Variants in PTPRK observed in about 807,000 individuals in gnomAD.
PTPRK encodes the protein protein tyrosine phosphatase receptor type K.
PTPRK carries 75 observed loss-of-function variants against 178.0 expected under a neutral mutation model. That is an observed-to-expected ratio of 0.42 (90% CI 0.35 to 0.51). The LOEUF is 0.51. PTPRK is among the 20% of genes least tolerant of loss of function. The probability of loss-of-function intolerance (pLI) is 0.02; values close to 1 mark genes in which losing one functional copy is unlikely to be tolerated. For missense variants in PTPRK, 1,441 were observed against 1,797.8 expected, an observed-to-expected ratio of 0.80 and a Z score of 3.59; for synonymous variants, 637 against 620.6, an observed-to-expected ratio of 1.03 and a Z score of -0.39.
At chr6:128,245,467 T>C (rs1448865248) in intron 3 of PTPRK, among the ~76,000 whole-genome samples, 1 of 152,150 alleles carries the variant, frequency 6.6e-6, no homozygotes, top group Non-Finnish European at 1.5e-5. Flanking sequence ...TCAAAGTCAA[T>C]AACAATGAGA....
chr6:128,007,024 G>A (rs887942533), intron 14 of PTPRK, among the ~76,000 whole-genome samples: 8 of 150,712 alleles, frequency 5.3e-5, no homozygotes, highest in Non-Finnish European at 8.9e-5. Flanking sequence ...AGAGGCTAAA[G>A]TAATTTCCTT....
chr6:128,457,734 G>T (rs1158546682), intron 1 of PTPRK, among the ~76,000 whole-genome samples: 1 of 151,918 alleles, frequency 6.6e-6, no homozygotes. Flanking sequence ...AAAATGACAA[G>T]AGTTTGTTTA....
intron 7 of PTPRK, among the ~76,000 whole-genome samples, chr6:128,167,423 T>A (rs1431762210): frequency 6.6e-6 from 1 of 151,962 alleles, no homozygotes; most frequent in Admixed American, 6.6e-5. Flanking sequence ...ATAAAATTGT[T>A]TTCTTATATA....
intron 7 of PTPRK, among the ~76,000 whole-genome samples, chr6:128,141,978 C>G (rs565612754): frequency 1.3e-5 from 2 of 152,016 alleles, no homozygotes; most frequent in South Asian, 4.2e-4. Flanking sequence ...TTCCAAATAT[C>G]AAATTATTTC....
At chr6:128,332,392 C>A (rs183755528) in intron 2 of PTPRK, among the ~76,000 whole-genome samples, 61 of 152,302 alleles carry the variant, frequency 4.0e-4, no homozygotes, top group African/African-American at 1.5e-3. Context: ...TTATCCTGGG[C>A]AAATAATTTA....
intron 7 of PTPRK, among the ~76,000 whole-genome samples, chr6:128,097,374 C>T (rs1269178407): frequency 1.3e-5 from 2 of 152,184 alleles, no homozygotes; most frequent in Non-Finnish European, 2.9e-5. Context: ...CTGCTCTCAA[C>T]ACTCTTACTG....
intron 7 of PTPRK, among the ~76,000 whole-genome samples, chr6:128,164,854 G>A (rs1346266583): frequency 6.7e-6 from 1 of 149,512 alleles, no homozygotes; most frequent in Non-Finnish European, 1.5e-5. Flanking sequence ...GTATATATTA[G>A]CATGAAAGCC....
intron 2 of PTPRK, among the ~76,000 whole-genome samples, chr6:128,331,239 T>C (rs1323550849): frequency 6.6e-6 from 1 of 152,154 alleles, no homozygotes; most frequent in East Asian, 1.9e-4. Context: ...GACAACTATC[T>C]ATTTGTGTTT....
At chr6:128,423,721 G>A (rs548789047) in intron 1 of PTPRK, among the ~76,000 whole-genome samples, 15 of 151,992 alleles carry the variant, frequency 9.9e-5, no homozygotes, top group Admixed American at 1.3e-4. Flanking sequence ...CCAGCTACAC[G>A]GGAGGCTGAG....
At chr6:128,069,234 T>A (rs904048211) in intron 11 of PTPRK, among the ~76,000 whole-genome samples, 2 of 152,304 alleles carry the variant, frequency 1.3e-5, no homozygotes, top group African/African-American at 4.8e-5. Context: ...TTCATATCCA[T>A]CTTGTTTCCT....
At chr6:128,518,296 A>C (rs1460833935) in intron 1 of PTPRK, among the ~76,000 whole-genome samples, 1 of 152,250 alleles carries the variant, frequency 6.6e-6, no homozygotes, top group Admixed American at 6.5e-5. Context: ...TTAGAACTAG[A>C]TATCTAAGAA....
chr6:128,128,458 G>A (rs1793717178), intron 7 of PTPRK, among the ~76,000 whole-genome samples: 2 of 152,126 alleles, frequency 1.3e-5, no homozygotes, highest in Non-Finnish European at 2.9e-5. Context: ...ATGGACACAG[G>A]TACAGCCGTC....
At chr6:128,332,504 A>C (rs1248103416) in intron 2 of PTPRK, among the ~76,000 whole-genome samples, 10 of 152,238 alleles carry the variant, frequency 6.6e-5, no homozygotes, top group African/African-American at 2.4e-4. Context: ...AGGCACACTG[A>C]CGAGAGGAAT....
chr6:128,313,068 C>T (rs1057238165), intron 3 of PTPRK, among the ~76,000 whole-genome samples: 1 of 152,066 alleles, frequency 6.6e-6, no homozygotes, highest in Non-Finnish European at 1.5e-5. Context: ...TCTTTTGACA[C>T]CAAGACTGGA....
intron 1 of PTPRK, among the ~76,000 whole-genome samples, chr6:128,437,368 C>T (rs910977355): frequency 7.9e-5 from 12 of 152,192 alleles, no homozygotes; most frequent in Admixed American, 5.2e-4. Context: ...TTTGAAATGG[C>T]GGTGTGCCTC....
intron 11 of PTPRK, 23 bp downstream of exon 11, chr6:128,078,790 C>CTT: frequency 6.5e-7 from 1 of 1,538,676 alleles, no homozygotes; most frequent in Middle Eastern, 1.7e-4. Context: ...TAAGGCAGAA[C>CTT]TACTGTAGTT....
chr6:128,090,490 T>G (rs910099929), intron 7 of PTPRK, among the ~76,000 whole-genome samples: 4 of 152,210 alleles, frequency 2.6e-5, no homozygotes, highest in African/African-American at 9.6e-5. Context: ...TAACATTAAT[T>G]ATTTCTATAA....
At chr6:128,295,628 C>A (rs1346734436) in intron 3 of PTPRK, among the ~76,000 whole-genome samples, 1 of 151,836 alleles carries the variant, frequency 6.6e-6, no homozygotes, top group Non-Finnish European at 1.5e-5. Flanking sequence ...CTTTTTGGTT[C>A]TTGCTTCTCA....
At chr6:128,067,939 A>G (rs761678830) in intron 11 of PTPRK, 147 bp from the exon 12 acceptor site, 51 of 683,766 alleles carry the variant, frequency 7.5e-5, no homozygotes, top group Non-Finnish European at 1.0e-4. Context: ...TACTCTTTTC[A>G]GCTATTTCGC....
Sources: gnomAD v4.1 joint callset for allele counts (sites outside exome capture counted in the v4.1 genomes callset) on GRCh38, gnomAD v4.1.1 for gene constraint, MANE v1.5 for transcripts, NCBI Gene and HGNC (gene_info 2026-07-23, HGNC 2026-07-21) for gene names.